Variants in GMDS observed in about 807,000 individuals in gnomAD.
The protein encoded by GMDS is GDP-mannose 4,6-dehydratase, also known as GDP-mannose 4,6 dehydratase.
A neutral mutation model predicts 49.9 loss-of-function variants in GMDS; 20 were observed. The observed-to-expected ratio is 0.40, with a 90% CI of 0.28 to 0.58. The LOEUF is 0.58. GMDS is among the 20% of genes least tolerant of loss of function. The pLI is 0.42. For missense variants in GMDS, 362 were observed against 481.4 expected (o/e 0.75, Z 2.32); for synonymous variants, 177 against 178.6 (o/e 0.99, Z 0.07).
chr6:2,038,851 G>T (rs1040556956), intron 4 of GMDS, among the ~76,000 whole-genome samples: 1 of 152,194 alleles, frequency 6.6e-6, no homozygotes, highest in African/African-American at 2.4e-5. Flanking sequence ...GCAACGTGAA[G>T]GCACACTAAC....
At chr6:2,122,138 A>G (rs934393762) in intron 2 of GMDS, among the ~76,000 whole-genome samples, 5 of 152,286 alleles carry the variant, frequency 3.3e-5, no homozygotes, top group Admixed American at 6.5e-5. Flanking sequence ...GCAAGGCCTC[A>G]CGGATTTAAA....
At chr6:2,223,735 G>T (rs949602588) in intron 1 of GMDS, among the ~76,000 whole-genome samples, 1 of 152,180 alleles carries the variant, frequency 6.6e-6, no homozygotes, top group African/African-American at 2.4e-5. Flanking sequence ...AAAACACAGA[G>T]ATGATAGAAG....
At chr6:2,043,135 C>T (rs1769785925) in intron 4 of GMDS, among the ~76,000 whole-genome samples, 1 of 152,200 alleles carries the variant, frequency 6.6e-6, no homozygotes, top group South Asian at 2.1e-4. Context: ...CTCAGCACCT[C>T]AGCTCGAGGA....
At chr6:2,042,718 C>G (rs767999269) in intron 4 of GMDS, among the ~76,000 whole-genome samples, 18 of 152,270 alleles carry the variant, frequency 1.2e-4, no homozygotes, top group Non-Finnish European at 7.4e-5. Flanking sequence ...GAGAAGTGCT[C>G]TTATTAGATT....
chr6:2,132,896 G>T (rs553956817), intron 1 of GMDS, among the ~76,000 whole-genome samples: 1 of 152,106 alleles, frequency 6.6e-6, no homozygotes, highest in Non-Finnish European at 1.5e-5. Flanking sequence ...CAGGTGTGTA[G>T]GGAAGTTAAT....
At chr6:1,758,391 C>T (rs1183165943) in intron 7 of GMDS, among the ~76,000 whole-genome samples, 2 of 152,206 alleles carry the variant, frequency 1.3e-5, no homozygotes, top group African/African-American at 2.4e-5. Context: ...GCCTGCCTGC[C>T]TCATCCATCC....
chr6:1,867,987 C>T (rs2113797240), intron 7 of GMDS, among the ~76,000 whole-genome samples: 1 of 151,748 alleles, frequency 6.6e-6, no homozygotes, highest in South Asian at 2.1e-4. Flanking sequence ...TTCTCAACAG[C>T]TGTTCTTTTT....
At chr6:1,730,926 A>G (rs1441019643) in intron 8 of GMDS, among the ~76,000 whole-genome samples, 1 of 152,194 alleles carries the variant, frequency 6.6e-6, no homozygotes, top group Non-Finnish European at 1.5e-5. Flanking sequence ...ACTGAAAAAA[A>G]GCAACGTGGA....
At chr6:1,992,575 C>G (rs1468793223) in intron 4 of GMDS, among the ~76,000 whole-genome samples, 3 of 152,222 alleles carry the variant, frequency 2.0e-5, no homozygotes, top group African/African-American at 7.2e-5. Flanking sequence ...CCACCCCCAA[C>G]TTTACTCAGC....
intron 7 of GMDS, among the ~76,000 whole-genome samples, chr6:1,854,226 C>T (rs565691080): frequency 1.9e-4 from 29 of 152,284 alleles, no homozygotes; most frequent in African/African-American, 6.7e-4. Flanking sequence ...GATAACAGAA[C>T]TTAGAGAAAG....
intron 9 of GMDS, among the ~76,000 whole-genome samples, chr6:1,650,789 A>G (rs1763629228): frequency 6.6e-6 from 1 of 151,984 alleles, no homozygotes; most frequent in Non-Finnish European, 1.5e-5. Context: ...CATGTTGTCC[A>G]GGCTGATCTT....
chr6:1,673,069 G>A (rs1764479244), intron 9 of GMDS, among the ~76,000 whole-genome samples: 1 of 152,198 alleles, frequency 6.6e-6, no homozygotes, highest in Admixed American at 6.5e-5. Context: ...GGATCCAGCA[G>A]GCCCACCAGT....
chr6:1,780,007 G>C (rs774509987), intron 7 of GMDS, among the ~76,000 whole-genome samples: 6 of 152,196 alleles, frequency 3.9e-5, no homozygotes, highest in Non-Finnish European at 8.8e-5. Flanking sequence ...GTCTTTTGAG[G>C]ACACATCCCA....
At chr6:1,953,215 G>A (rs961684113) in intron 6 of GMDS, among the ~76,000 whole-genome samples, 2 of 152,100 alleles carry the variant, frequency 1.3e-5, no homozygotes, top group Admixed American at 1.3e-4. Flanking sequence ...CCTCCAGGAC[G>A]TGGACCCTAG....
chr6:2,229,919 G>A (rs1780999985), intron 1 of GMDS, among the ~76,000 whole-genome samples: 1 of 152,170 alleles, frequency 6.6e-6, no homozygotes, highest in South Asian at 2.1e-4. Flanking sequence ...CCTGCCTAGA[G>A]CCCCAGGGAA....
At chr6:1,942,265 A>G (rs1581396605) in intron 6 of GMDS, among the ~76,000 whole-genome samples, 1 of 152,120 alleles carries the variant, frequency 6.6e-6, no homozygotes, top group South Asian at 2.1e-4. Flanking sequence ...ACTGCTCATC[A>G]AGTCCTTCTG....
chr6:2,245,551 C>T lies in GMDS; in HGVS notation c.-129G>A, dbSNP rs1430633277. 3 of 460,650 alleles carry T rather than the reference C, an allele frequency of 6.5e-6. No individual in the cohort carries two copies. The highest frequency in any genetic ancestry group is 6.2e-5 in the African/African-American group (3 of 48,244). The allele number at this position is 460,650 out of a possible 1,614,324, so 28.5% of individuals were successfully genotyped here. On this transcript the variant is annotated 5_prime_UTR_variant, in exon 1 of 11. In the 5' UTR this introduces an upstream ATG that the reference lacks. Transcript: ENST00000380815. ...GCTGCGGGCAGGGAGGGAGAGCGCACCGCGCGACCGGCCGCCACAGTCTGA... is the reference window on the plus strand; with the variant it reads ...GCTGCGGGCAGGGAGGGAGAGCGCATCGCGCGACCGGCCGCCACAGTCTGA...
intron 4 of GMDS, among the ~76,000 whole-genome samples, chr6:1,979,506 A>C (rs911387597): frequency 6.6e-6 from 1 of 152,250 alleles, no homozygotes; most frequent in Non-Finnish European, 1.5e-5. Flanking sequence ...AAAAAGAATG[A>C]AAAGAAATAA....
chr6:1,774,020 A>C (rs1306487125), intron 7 of GMDS, among the ~76,000 whole-genome samples: 1 of 152,256 alleles, frequency 6.6e-6, no homozygotes, highest in Non-Finnish European at 1.5e-5. Context: ...TTGAAGCCAA[A>C]CATGACGTAC....
Sources: gnomAD v4.1 joint callset for allele counts (sites outside exome capture counted in the v4.1 genomes callset) on GRCh38, gnomAD v4.1.1 for gene constraint, MANE v1.5 for transcripts, NCBI Gene and HGNC (gene_info 2026-07-23, HGNC 2026-07-21) for gene names.